Variants in TMOD1 observed in about 807,000 individuals in gnomAD.
TMOD1 encodes the protein tropomodulin 1.
TMOD1 carries 17 observed loss-of-function variants against 40.6 expected under a neutral mutation model. The observed-to-expected ratio is 0.42, with a 90% CI of 0.29 to 0.63. The LOEUF (loss-of-function observed/expected upper bound fraction) is 0.63. TMOD1 is among the 20% of genes least tolerant of loss of function. The probability of loss-of-function intolerance (pLI) is 0.22; values close to 1 mark genes in which losing one functional copy is unlikely to be tolerated. For synonymous variants in TMOD1, 181 were observed against 175.0 expected, an observed-to-expected ratio of 1.03 and a Z score of -0.27; for missense variants, 391 against 447.6, an observed-to-expected ratio of 0.87 and a Z score of 1.14.
intron 2 of TMOD1, among the ~76,000 whole-genome samples, chr9:97,526,191 T>A (rs1419773128): frequency 6.6e-6 from 1 of 152,236 alleles, no homozygotes; most frequent in Non-Finnish European, 1.5e-5. Flanking sequence ...AGAACATGTG[T>A]CATGGAATGA....
chr9:97,574,934 AGC>A (rs1830898311), intron 8 of TMOD1, among the ~76,000 whole-genome samples: 1 of 152,218 alleles, frequency 6.6e-6, no homozygotes, highest in South Asian at 2.1e-4. Context: ...CAGACCAACC[AGC>A]TCTCTATAAA....
chr9:97,546,201 C>T lies in TMOD1; in HGVS notation c.137C>T (p.Ala46Val). Residue 46 changes from alanine to valine, a missense_variant, in exon 3 of 10, where the codon GCA becomes GTA. By Grantham distance (64) the Ala-to-Val change is moderately conservative. Coordinates refer to ENST00000259365, the MANE Select transcript of TMOD1 (RefSeq NM_003275.4). Reference sequence around the variant, plus strand: ...CCAATGTAGAATGCACTGCTGCCTGCAGGCCTGAGGCAGAAGGATCAGACC... The same window carrying T: ...CCAATGTAGAATGCACTGCTGCCTGTAGGCCTGAGGCAGAAGGATCAGACC... ...ELDPDNALLPAGLRQKDQTTK... is the reference protein window; with the variant it reads ...ELDPDNALLPVGLRQKDQTTK... 1 of 1,612,938 alleles carries T rather than the reference C, an allele frequency of 6.2e-7. No individual in the cohort carries two copies. Among genetic ancestry groups the T allele is most frequent in the Non-Finnish European group, 8.5e-7 (1 of 1,179,764 alleles).
chr9:97,531,977 C>T (rs1324882964), intron 2 of TMOD1, among the ~76,000 whole-genome samples: 5 of 152,156 alleles, frequency 3.3e-5, no homozygotes, highest in Non-Finnish European at 5.9e-5. Flanking sequence ...CCTGTCACTC[C>T]ACATGGCTTC....
At position 97,553,286 on chromosome 9, in the gene TMOD1, G is replaced by C; in HGVS notation, c.283G>C (p.Val95Leu). 6.2e-7 allele frequency: 1 copy of C among 1,614,106 alleles called. No individual in the cohort carries two copies. Among genetic ancestry groups the C allele is most frequent in the South Asian group, 1.1e-5 (1 of 91,080 alleles). The change falls in exon 4 of 10, where the codon GTC becomes CTC. Residue 95 changes from valine (V) to leucine (L), a missense_variant. Physicochemically the swap from Val to Leu is conservative, Grantham distance 32. Transcript: ENST00000259365. ...VPYTGEKRGK[V>L]WVPKQKPLDP... ...GGTCCCCTGTGTGTTTGCAGGAAAG[G>C]TCTGGGTTCCTAAGCAGAAGCCACT...
At chr9:97,524,385 C>A in intron 2 of TMOD1, 77 bp downstream of exon 2, 1 of 1,518,022 alleles carries the variant, frequency 6.6e-7, no homozygotes. Context: ...CTTCCTAAAG[C>A]CACCACTTCC....
chr9:97,527,315 C>T (rs1705271613), intron 2 of TMOD1, among the ~76,000 whole-genome samples: 2 of 152,220 alleles, frequency 1.3e-5, no homozygotes, highest in African/African-American at 2.4e-5. Flanking sequence ...ACCTGCCGAG[C>T]ACTGTGCTGG....
At chr9:97,577,485 G>C (rs1378552243) in intron 8 of TMOD1, among the ~76,000 whole-genome samples, 1 of 151,882 alleles carries the variant, frequency 6.6e-6, no homozygotes, top group Non-Finnish European at 1.5e-5. Flanking sequence ...AATTTTTTTT[G>C]CCTATAAAAT....
chr9:97,510,897 A>G (rs369879405), intron 1 of TMOD1, among the ~76,000 whole-genome samples: 299 of 152,210 alleles, frequency 2.0e-3, no homozygotes, highest in South Asian at 3.7e-3. Flanking sequence ...TTGCAGAGAC[A>G]TAGGAGGAGT....
intron 2 of TMOD1, among the ~76,000 whole-genome samples, chr9:97,527,304 TACCTGCCGAGCACTGTGCTGGGC>T (rs1182585668): frequency 6.6e-6 from 1 of 152,232 alleles, no homozygotes; most frequent in African/African-American, 2.4e-5. Context: ...GTGACTCGGT[TACCTGCCGAGCACTGTGCTGGGC>T]ACCAACAGGG....
intron 2 of TMOD1, among the ~76,000 whole-genome samples, chr9:97,527,235 C>T (rs567826229): frequency 7.9e-5 from 12 of 152,316 alleles, no homozygotes; most frequent in Middle Eastern, 6.8e-3. Flanking sequence ...CAAGAACAAA[C>T]AACTTTATAA....
At chr9:97,570,277 C>A (rs968194110) in intron 8 of TMOD1, among the ~76,000 whole-genome samples, 4 of 152,208 alleles carry the variant, frequency 2.6e-5, no homozygotes, top group Non-Finnish European at 5.9e-5. Flanking sequence ...TCTCATGCCT[C>A]CATGCCTTTC....
At position 97,569,011 on chromosome 9, in the gene TMOD1, C is replaced by G. The variant is rs752593502; in HGVS notation, c.844C>G (p.Leu282Val). The change falls in exon 8 of 10, where the codon CTG (leucine) becomes GTG (valine). Residue 282 changes from leucine to valine, a missense_variant. By Grantham distance (32) the Leu-to-Val change is conservative. Transcript: ENST00000259365. ...LVEALPYNTS[L>V]VEMKIDNQSQ... is the part of the protein sequence containing the mutation. ...AGAAGCCCTCCCATACAACACTTCT[C>G]TGGTGGAAATGAAAATTGACAACCA... 6.2e-7 allele frequency: 1 copy of G among 1,614,162 alleles called. No homozygotes were observed. Among genetic ancestry groups the G allele is most frequent in the Non-Finnish European group, 8.5e-7 (1 of 1,180,022 alleles).
chr9:97,522,897 A>G (rs1268059429), intron 1 of TMOD1, among the ~76,000 whole-genome samples: 1 of 152,158 alleles, frequency 6.6e-6, no homozygotes, highest in Non-Finnish European at 1.5e-5. Context: ...CATATAACTC[A>G]TCACACTGAT....
At position 97,599,683 on chromosome 9, in the gene TMOD1, C is replaced by T. The variant is rs1409710767; in HGVS notation, c.1065C>T (p.Cys355=). Residue 355 remains cysteine, a synonymous_variant, in exon 10 of 10, where the codon TGC becomes TGT. Transcript: ENST00000259365. ...TGACTGGGCCCATCATTCCCAAGTG[C>T]CGGAGTGGTGTCTAGTGTGTGGCGG... ...ADLTGPIIPK[C]RSGV The T allele has an allele frequency of 3.1e-6, 5 of 1,614,010 alleles. No individual in the cohort carries two copies. The highest frequency in any genetic ancestry group is 4.2e-6 in the Non-Finnish European group (5 of 1,180,036).
At chr9:97,550,911 G>C (rs1031355001) in intron 3 of TMOD1, among the ~76,000 whole-genome samples, 1 of 148,876 alleles carries the variant, frequency 6.7e-6, no homozygotes, top group Non-Finnish European at 1.5e-5. Context: ...TTTGTTGCTC[G>C]TGTTTTTGTT....
intron 9 of TMOD1, among the ~76,000 whole-genome samples, chr9:97,592,079 CTT>C (rs1826014101): frequency 6.7e-6 from 1 of 148,856 alleles, no homozygotes; most frequent in African/African-American, 2.5e-5. Context: ...ATAATGAACA[CTT>C]ATATACCTAT....
intron 2 of TMOD1, among the ~76,000 whole-genome samples, chr9:97,544,708 T>C (rs1310416698): frequency 6.6e-6 from 1 of 152,046 alleles, no homozygotes; most frequent in East Asian, 1.9e-4. Flanking sequence ...ACTGAAGATA[T>C]GCATTTTAAT....
At chr9:97,572,678 A>G (rs1830839446) in intron 8 of TMOD1, among the ~76,000 whole-genome samples, 1 of 152,046 alleles carries the variant, frequency 6.6e-6, no homozygotes, top group South Asian at 2.1e-4. Flanking sequence ...CTGGTTAGTC[A>G]CCGAGGTCCT....
At chr9:97,560,248 G>A (rs1302686356) in intron 4 of TMOD1, among the ~76,000 whole-genome samples, 2 of 152,116 alleles carry the variant, frequency 1.3e-5, no homozygotes, top group African/African-American at 2.4e-5. Context: ...AGCAGAAGCA[G>A]ACGTGTATCT....
Sources: allele counts gnomAD v4.1 joint callset (sites outside exome capture counted in the v4.1 genomes callset), GRCh38; gene constraint gnomAD v4.1.1; transcripts MANE v1.5; gene names NCBI Gene and HGNC (gene_info 2026-07-23, HGNC 2026-07-21).